The following SNTG1 variants were observed in gnomAD, a reference collection of about 807,000 sequenced individuals.
The protein encoded by SNTG1 is gamma-1-syntrophin.
In SNTG1, 39 loss-of-function variants were observed where a neutral mutation model predicts 74.7. The ratio of observed to expected loss-of-function variants is 0.52; its 90% CI spans 0.40 to 0.68. SNTG1 has a LOEUF of 0.68. SNTG1 is among the 30% of genes least tolerant of loss of function. The probability of loss-of-function intolerance (pLI) is 0.00; values close to 1 mark genes in which losing one functional copy is unlikely to be tolerated. For synonymous variants in SNTG1, 254 were observed against 217.1 expected, an observed-to-expected ratio of 1.17 and a Z score of -1.49; for missense variants, 685 against 609.5, an observed-to-expected ratio of 1.12 and a Z score of -1.30.
At chr8:50,010,520 A>G (rs402971) in intron 1 of SNTG1, among the ~76,000 whole-genome samples, 1 of 152,198 alleles carries the variant, frequency 6.6e-6, no homozygotes, top group African/African-American at 2.4e-5. Context: ...TGATAGGATT[A>G]CTAACACATA....
intron 4 of SNTG1, among the ~76,000 whole-genome samples, chr8:50,436,110 C>T (rs1181742449): frequency 2.0e-5 from 3 of 152,134 alleles, no homozygotes; most frequent in African/African-American, 7.2e-5. Flanking sequence ...GCATTTGCTG[C>T]TTAAAATGCA....
intron 13 of SNTG1, among the ~76,000 whole-genome samples, chr8:50,593,817 G>A (rs144321393): frequency 0.045 from 6,776 of 150,888 alleles, 268 homozygotes; most frequent in African/African-American, 0.1. Flanking sequence ...TCCCTGGTTC[G>A]AGCGATTCTC....
chr8:50,584,952 G>A (rs1043899747), intron 12 of SNTG1, among the ~76,000 whole-genome samples: 19 of 152,170 alleles, frequency 1.2e-4, no homozygotes, highest in African/African-American at 4.3e-4. Flanking sequence ...CAAAGTGCTT[G>A]GAAAGGAAAG....
chr8:49,910,389 C>T (rs1422375162), upstream of SNTG1, among the ~76,000 whole-genome samples: 1 of 152,118 alleles, frequency 6.6e-6, no homozygotes, highest in Admixed American at 6.5e-5. Context: ...GAAATCTACA[C>T]TGCACAAGTT....
At chr8:50,226,354 C>A (rs989806038) in intron 2 of SNTG1, among the ~76,000 whole-genome samples, 3 of 152,064 alleles carry the variant, frequency 2.0e-5, no homozygotes, top group Non-Finnish European at 2.9e-5. Context: ...TTTGCATTTC[C>A]CTGATGTCCT....
intron 17 of SNTG1, among the ~76,000 whole-genome samples, chr8:50,730,762 T>C (rs1237363464): frequency 6.6e-6 from 1 of 152,160 alleles, no homozygotes; most frequent in African/African-American, 2.4e-5. Flanking sequence ...TTCAGAAAGT[T>C]CTTACTTCTG....
chr8:50,047,176 A>G (rs1563519023), intron 1 of SNTG1, among the ~76,000 whole-genome samples: 1 of 152,014 alleles, frequency 6.6e-6, no homozygotes, highest in Non-Finnish European at 1.5e-5. Context: ...CCATGTCTAC[A>G]AAAAACACAA....
At chr8:50,740,496 C>T (rs1266539923) in intron 17 of SNTG1, among the ~76,000 whole-genome samples, 2 of 151,860 alleles carry the variant, frequency 1.3e-5, no homozygotes, top group Non-Finnish European at 2.9e-5. Flanking sequence ...AAAAACAATG[C>T]TGACAAGGTT....
intron 1 of SNTG1, among the ~76,000 whole-genome samples, chr8:50,109,860 G>A (rs2131295423): frequency 6.6e-6 from 1 of 152,234 alleles, no homozygotes; most frequent in East Asian, 1.9e-4. Context: ...GAGTCTGCAT[G>A]GGCTTTTTAT....
At chr8:50,056,290 C>T (rs1419310057) in intron 1 of SNTG1, among the ~76,000 whole-genome samples, 1 of 152,112 alleles carries the variant, frequency 6.6e-6, no homozygotes, top group Non-Finnish European at 1.5e-5. Context: ...AAGGTCAAAA[C>T]TGAGTGAGCC....
chr8:50,161,390 T>C lies in SNTG1; in HGVS notation c.-102-11171T>C, dbSNP rs573329428. ...TTAGTAGAACTTGACCCATTGATTG[T>C]ATAGGGCCAAAGTGAAGGAAGAAAT... On this transcript the variant is annotated intron_variant, in intron 1 of 18. Coordinates refer to ENST00000642720, the MANE Select transcript of SNTG1 (RefSeq NM_018967.5). Among the ~76,000 whole-genome samples the C allele has an allele frequency of 4.6e-5, 7 of 152,306 alleles. No individual in the cohort carries two copies. In the South Asian group the frequency reaches 1.2e-3, roughly 27 times the overall value.
At chr8:50,139,802 TGCAAAGCACCAGA>T (rs1376197900) in intron 1 of SNTG1, among the ~76,000 whole-genome samples, 1 of 152,218 alleles carries the variant, frequency 6.6e-6, no homozygotes, top group African/African-American at 2.4e-5. Context: ...CTGGCAAGAT[TGCAAAGCACCAGA>T]GCCAAGAGTG....
intron 1 of SNTG1, among the ~76,000 whole-genome samples, chr8:50,128,845 G>T (rs2081227141): frequency 1.3e-5 from 2 of 151,978 alleles, no homozygotes. Flanking sequence ...CACACAATTT[G>T]AACTTTATAT....
intron 1 of SNTG1, among the ~76,000 whole-genome samples, chr8:50,081,105 C>A (rs970060654): frequency 9.2e-5 from 14 of 151,806 alleles, no homozygotes; most frequent in African/African-American, 3.4e-4. Context: ...TCATGTATGC[C>A]CACATATTTA....
chr8:49,977,309 G>A (rs1307111668), intron 1 of SNTG1, among the ~76,000 whole-genome samples: 3 of 151,716 alleles, frequency 2.0e-5, no homozygotes, highest in African/African-American at 7.3e-5. Context: ...AACAGACAAA[G>A]CAATTCAGAA....
rs563204747 is a variant in SNTG1, at chr8:50,023,714, C to A, written c.-103+111483C>A. On this transcript the variant is annotated intron_variant, in intron 1 of 18. Transcript: ENST00000642720. Reference sequence around the variant, plus strand: ...ACATCTTTCAAAGACTCCTGCTGCCCCAGTATGAAGCAAATGCAGTTTCCC... The same window carrying A: ...ACATCTTTCAAAGACTCCTGCTGCCACAGTATGAAGCAAATGCAGTTTCCC... 6.6e-5 allele frequency among the ~76,000 whole-genome samples: 10 copies of A among 152,198 alleles called. No homozygotes were observed. The East Asian group carries it at 1.9e-3, about 29-fold the overall frequency.
intron 1 of SNTG1, among the ~76,000 whole-genome samples, chr8:49,953,960 T>A (rs950783639): frequency 1.3e-5 from 2 of 152,170 alleles, no homozygotes; most frequent in African/African-American, 4.8e-5. Context: ...ATAGCAAAAA[T>A]GTTCTAGATT....
At chr8:50,041,877 G>T (rs1818670456) in intron 1 of SNTG1, among the ~76,000 whole-genome samples, 1 of 152,156 alleles carries the variant, frequency 6.6e-6, no homozygotes, top group Non-Finnish European at 1.5e-5. Context: ...TTTGCTCCTA[G>T]CAGAGGTGGC....
chr8:50,409,926 A>G (rs1350745833), intron 4 of SNTG1, among the ~76,000 whole-genome samples: 1 of 152,214 alleles, frequency 6.6e-6, no homozygotes, highest in African/African-American at 2.4e-5. Context: ...ACTGTCAGAT[A>G]AATAGCATCA....
Sources: allele counts gnomAD v4.1 joint callset (sites outside exome capture counted in the v4.1 genomes callset), GRCh38; gene constraint gnomAD v4.1.1; transcripts MANE v1.5; gene names NCBI Gene and HGNC (gene_info 2026-07-23, HGNC 2026-07-21).